The following HHAT variants were observed in gnomAD, a reference collection of about 807,000 sequenced individuals.
HHAT encodes protein-cysteine N-palmitoyltransferase HHAT.
HHAT carries 47 observed loss-of-function variants against 70.8 expected under a neutral mutation model. The ratio of observed to expected loss-of-function variants is 0.66; its 90% confidence interval spans 0.53 to 0.85. The LOEUF is 0.85. Ranked by LOEUF, HHAT falls within the 40% of genes least tolerant of loss-of-function variation. The probability of loss-of-function intolerance (pLI) is 0.00; values close to 1 mark genes in which losing one functional copy is unlikely to be tolerated. For synonymous variants in HHAT, 228 were observed against 247.6 expected (o/e 0.92, Z 0.74); for missense variants, 609 against 604.8 (o/e 1.01, Z -0.07).
chr1:210,394,081 T>C (rs1453108330), intron 4 of HHAT, among the ~76,000 whole-genome samples: 1 of 152,168 alleles, frequency 6.6e-6, no homozygotes, highest in Non-Finnish European at 1.5e-5. Flanking sequence ...GGACAGGCTT[T>C]AGCAATTCTT....
intron 5 of HHAT, among the ~76,000 whole-genome samples, chr1:210,401,747 TGACA>T (rs1359683677): frequency 1.3e-5 from 2 of 152,246 alleles, no homozygotes; most frequent in African/African-American, 4.8e-5. Context: ...AATTGGTGGA[TGACA>T]GACAGACTGC....
At chr1:210,399,671 G>A (rs1293383018) in intron 4 of HHAT, among the ~76,000 whole-genome samples, 1 of 152,146 alleles carries the variant, frequency 6.6e-6, no homozygotes, top group African/African-American at 2.4e-5. Flanking sequence ...GATACCTTGC[G>A]TCTCAAAGTT....
intron 7 of HHAT, among the ~76,000 whole-genome samples, chr1:210,457,337 T>TA (rs976004738): frequency 3.3e-5 from 5 of 151,572 alleles, no homozygotes; most frequent in East Asian, 3.9e-4. Flanking sequence ...AAAAACTTAT[T>TA]AAAAAAAAGT....
intron 9 of HHAT, among the ~76,000 whole-genome samples, chr1:210,557,588 G>A (rs1468650962): frequency 6.6e-6 from 1 of 152,178 alleles, no homozygotes; most frequent in East Asian, 1.9e-4. Flanking sequence ...GGTTGAGGAG[G>A]CCTCAGAATC....
chr1:210,577,666 G>GTTTTTTTTTTT (rs80242108), intron 9 of HHAT, among the ~76,000 whole-genome samples: 3 of 17,144 alleles, frequency 1.7e-4, no homozygotes, highest in Non-Finnish European at 2.2e-4. Flanking sequence ...TTTTTTTTTC[G>GTTTTTTTTTTT]AAATGGAGTC....
intron 4 of HHAT, among the ~76,000 whole-genome samples, chr1:210,391,435 G>A (rs1247243054): frequency 6.6e-6 from 1 of 152,002 alleles, no homozygotes; most frequent in Non-Finnish European, 1.5e-5. Context: ...ATTTAACTAC[G>A]CTAAAATTAA....
At chr1:210,411,842 C>T (rs1473392760) in intron 6 of HHAT, among the ~76,000 whole-genome samples, 6 of 152,164 alleles carry the variant, frequency 3.9e-5, no homozygotes, top group Non-Finnish European at 7.3e-5. Context: ...CATGCCTCTA[C>T]ATGTCTTAAC....
At chr1:210,444,307 C>CT (rs1177974008) in intron 7 of HHAT, among the ~76,000 whole-genome samples, 3 of 132,774 alleles carry the variant, frequency 2.3e-5, no homozygotes, top group South Asian at 2.7e-4. Context: ...CTAAAATTCT[C>CT]TTTTTTTGTT....
At chr1:210,626,824 A>G (rs1214163465) in intron 11 of HHAT, among the ~76,000 whole-genome samples, 2 of 152,316 alleles carry the variant, frequency 1.3e-5, no homozygotes, top group South Asian at 4.2e-4. Flanking sequence ...AAGTTAAAAA[A>G]ATCTGAATTC....
chr1:210,664,300 C>T (rs927204044), intron 11 of HHAT, among the ~76,000 whole-genome samples: 1 of 152,234 alleles, frequency 6.6e-6, no homozygotes, highest in Non-Finnish European at 1.5e-5. Context: ...ACTGCAACTA[C>T]TAGAGTAAAT....
intron 10 of HHAT, chr1:210,588,544 C>T (rs976969463): frequency 1.4e-4 from 21 of 154,502 alleles, no homozygotes; most frequent in African/African-American, 4.8e-4. Flanking sequence ...ACATAGAATT[C>T]CCTTACGTGG....
Position 210,613,388 on chromosome 1 carries a change from CCCTTGTTGAGGATCATTTGG to C in HHAT, c.1246-10128_1246-10109del, listed in dbSNP as rs543670650. Among the ~76,000 whole-genome samples the C allele has an allele frequency of 3.8e-3, 579 of 152,272 alleles. 3 individuals are homozygous for C. Among genetic ancestry groups the C allele is most frequent in the Admixed American group, 0.012 (180 of 15,274 alleles). ...CTTTCCTCATTAAATGCTCTTTCTGCCCTTGTTGAGGATCATTTGGCCTTGTTGAAAACTATTTAACCGTA... is the reference window on the plus strand; with the variant it reads ...CTTTCCTCATTAAATGCTCTTTCTGCCCTTGTTGAAAACTATTTAACCGTA... On this transcript the variant is annotated intron_variant, in intron 10 of 11. Coordinates refer to ENST00000261458, the MANE Select transcript of HHAT (RefSeq NM_018194.6).
At chr1:210,451,969 C>T (rs2093765174) in intron 7 of HHAT, among the ~76,000 whole-genome samples, 1 of 152,152 alleles carries the variant, frequency 6.6e-6, no homozygotes, top group African/African-American at 2.4e-5. Flanking sequence ...ATCTCTGGCT[C>T]AGATACTAAA....
intron 9 of HHAT, among the ~76,000 whole-genome samples, chr1:210,514,122 T>C (rs913684759): frequency 6.6e-6 from 1 of 152,210 alleles, no homozygotes; most frequent in African/African-American, 2.4e-5. Context: ...ATAATTGACA[T>C]CACCTTTATC....
intron 10 of HHAT, among the ~76,000 whole-genome samples, chr1:210,606,703 C>T (rs535684040): frequency 6.6e-6 from 1 of 152,130 alleles, no homozygotes; most frequent in East Asian, 1.9e-4. Context: ...CCTTTAGTAG[C>T]TTTTTAAGAA....
chr1:210,404,778 GC>G, intron 6 of HHAT, 99 bp downstream of exon 6: 1 of 878,058 alleles, frequency 1.1e-6, no homozygotes, highest in Non-Finnish European at 1.8e-6. Flanking sequence ...GTTCAGAGGT[GC>G]CCACAGATTT....
At position 210,665,564 on chromosome 1, in the gene HHAT, G is replaced by A. The variant is rs561245489; in HGVS notation, c.1391-8724G>A. On this transcript the variant is annotated intron_variant, in intron 11 of 11. Transcript: ENST00000261458. ...CAGTGGATGAGCCAGAGGGACAGCA[G>A]GCAGTGGGGTGCTGGAGCCTCTAGC... is the stretch of plus-strand genomic sequence containing the variant. Among the ~76,000 whole-genome samples, 40 of 152,350 alleles carry A rather than the reference G, an allele frequency of 2.6e-4. No individual in the cohort carries two copies. The South Asian group carries it at 7.5e-3, about 28-fold the overall frequency.
Position 210,387,477 on chromosome 1 carries a change from GA to G in HHAT, c.170del (p.Asp57AlafsTer24). The part of the protein sequence containing the change: ...LFGGLKKDAT[D>X]FEWSFWMEWG... Reference sequence around the variant, plus strand: ...ATTTTGTCCTATTTAGGATGCGACCGACTTTGAGTGGAGCTTCTGGATGGAA... The same window carrying G: ...ATTTTGTCCTATTTAGGATGCGACCGCTTTGAGTGGAGCTTCTGGATGGAA... On this transcript the variant is annotated frameshift_variant, in exon 4 of 12. Coordinates refer to ENST00000261458, the MANE Select transcript of HHAT (RefSeq NM_018194.6). LOFTEE classifies it high-confidence loss of function. The G allele has an allele frequency of 6.2e-7, 1 of 1,613,946 alleles. No homozygotes were observed. Among genetic ancestry groups the G allele is most frequent in the Non-Finnish European group, 8.5e-7 (1 of 1,179,898 alleles).
intron 7 of HHAT, among the ~76,000 whole-genome samples, chr1:210,432,660 G>A (rs1207865566): frequency 6.6e-6 from 1 of 151,884 alleles, no homozygotes; most frequent in Non-Finnish European, 1.5e-5. Context: ...AGTGGGTCCT[G>A]ACTGCATCTT....
Sources: allele counts gnomAD v4.1 joint callset (sites outside exome capture counted in the v4.1 genomes callset), GRCh38; gene constraint gnomAD v4.1.1; transcripts MANE v1.5; gene names NCBI Gene and HGNC (gene_info 2026-07-23, HGNC 2026-07-21).